Variants in RGPD2 observed in about 807,000 individuals in gnomAD.
RGPD2 encodes the protein RANBP2-like and GRIP domain-containing protein 2.
A neutral mutation model predicts 36.0 loss-of-function variants in RGPD2; 2 were observed. The ratio of observed to expected loss-of-function variants is 0.06; its 90% confidence interval spans 0.02 to 0.17. The LOEUF is 0.17. Among genes scored for constraint, RGPD2 ranks in the 10% least tolerant of loss-of-function variants. The probability of loss-of-function intolerance (pLI) is 1.00; values close to 1 mark genes in which losing one functional copy is unlikely to be tolerated. For missense variants in RGPD2, 40 were observed against 464.3 expected (o/e 0.09, Z 8.40); for synonymous variants, 19 against 163.8 (o/e 0.12, Z 6.75).
At chr2:87,986,980 T>C in the RGPD2 span, among the ~76,000 whole-genome samples, 3 of 137,970 alleles carry the variant, frequency 2.2e-5, no homozygotes, top group Non-Finnish European at 4.7e-5. Flanking sequence ...ATTCAATATA[T>C]GCATCCACGA....
At chr2:87,857,470 G>A in the RGPD2 span, among the ~76,000 whole-genome samples, 2 of 151,492 alleles carry the variant, frequency 1.3e-5, no homozygotes, top group African/African-American at 2.4e-5. Flanking sequence ...AGCCTCTTGA[G>A]TAGCTGGGAC....
the RGPD2 span, among the ~76,000 whole-genome samples, chr2:87,857,059 C>A: frequency 6.6e-6 from 1 of 152,222 alleles, no homozygotes. Context: ...AGAGGATGGT[C>A]CATGAACTAA....
chr2:87,875,885 T>C, the RGPD2 span, among the ~76,000 whole-genome samples: 3 of 152,172 alleles, frequency 2.0e-5, no homozygotes, highest in Non-Finnish European at 4.4e-5. Context: ...AGTGGCTTTA[T>C]TTTAGAACAA....
the RGPD2 span, chr2:87,973,006 C>T: frequency 7.5e-6 from 12 of 1,610,568 alleles, no homozygotes; most frequent in African/African-American, 1.1e-4. Flanking sequence ...TTGACCTTCG[C>T]CTCCTCAGCA....
At chr2:87,836,899 C>G in the RGPD2 span, among the ~76,000 whole-genome samples, 14 of 152,076 alleles carry the variant, frequency 9.2e-5, no homozygotes, top group East Asian at 2.7e-3. Context: ...AACTTATCAT[C>G]AAACAGAAAG....
the RGPD2 span, among the ~76,000 whole-genome samples, chr2:87,864,582 A>C: frequency 0.2 from 24,119 of 121,144 alleles, no homozygotes; most frequent in African/African-American, 0.36. Flanking sequence ...TAGATGATAG[A>C]TAGATAGATA....
the RGPD2 span, among the ~76,000 whole-genome samples, chr2:87,933,832 A>T: frequency 7.2e-6 from 1 of 138,496 alleles, no homozygotes; most frequent in Non-Finnish European, 1.6e-5. Context: ...GTAATATTTT[A>T]TCATGATTTT....
the RGPD2 span, among the ~76,000 whole-genome samples, chr2:87,938,297 G>A: frequency 2.9e-3 from 438 of 151,968 alleles, 4 homozygotes; most frequent in African/African-American, 0.01. Flanking sequence ...GCACAGAGAT[G>A]TTAAGCTTGG....
chr2:87,866,876 T>G, the RGPD2 span, among the ~76,000 whole-genome samples: 2 of 152,176 alleles, frequency 1.3e-5, no homozygotes, highest in Admixed American at 6.5e-5. Flanking sequence ...GAGTCTTTCC[T>G]CCCCGGGCGA....
chr2:87,809,721 T>G (rs541130174), intron 6 of RGPD2, among the ~76,000 whole-genome samples: 151 of 151,386 alleles, frequency 1.0e-3, no homozygotes, highest in Non-Finnish European at 1.9e-3. Context: ...CTTTTTATCT[T>G]CCTCAGGGTC....
At chr2:87,924,518 T>A in the RGPD2 span, among the ~76,000 whole-genome samples, 1 of 152,248 alleles carries the variant, frequency 6.6e-6, no homozygotes, top group African/African-American at 2.4e-5. Flanking sequence ...TTTTCATCAC[T>A]TTTTTTCTAG....
chr2:87,967,281 G>C, the RGPD2 span, among the ~76,000 whole-genome samples: 3 of 147,706 alleles, frequency 2.0e-5, no homozygotes, highest in Admixed American at 6.6e-5. Context: ...GGTGGCATGC[G>C]CCTGTAGTCC....
chr2:87,858,770 CTAATTA>C, the RGPD2 span, among the ~76,000 whole-genome samples: 1 of 151,790 alleles, frequency 6.6e-6, no homozygotes, highest in East Asian at 1.9e-4. Context: ...AGGTAATATT[CTAATTA>C]TTTCATTTTA....
At chr2:87,845,396 CTATTTA>C in the RGPD2 span, among the ~76,000 whole-genome samples, 4 of 152,038 alleles carry the variant, frequency 2.6e-5, no homozygotes, top group Non-Finnish European at 4.4e-5. Context: ...TTTTCTCATT[CTATTTA>C]TGTTATAGAT....
chr2:87,842,228 G>A, the RGPD2 span, among the ~76,000 whole-genome samples: 1 of 151,298 alleles, frequency 6.6e-6, no homozygotes, highest in South Asian at 2.1e-4. Context: ...GGCAGGAGAA[G>A]GAAATAAAGG....
chr2:87,853,462 G>T, the RGPD2 span, among the ~76,000 whole-genome samples: 1 of 151,416 alleles, frequency 6.6e-6, no homozygotes, highest in Admixed American at 6.6e-5. Context: ...AGCCTCAAGC[G>T]GTCCTCTCAC....
chr2:87,877,219 T>C, the RGPD2 span, among the ~76,000 whole-genome samples: 18 of 151,882 alleles, frequency 1.2e-4, no homozygotes, highest in African/African-American at 4.1e-4. Flanking sequence ...GTTAGCATTG[T>C]TATGTGTGAA....
rs1320242709 is a variant in RGPD2 at position 87,822,269 on chromosome 2, TC to T, written c.72+3388del. On this transcript the variant is annotated intron_variant, in intron 1 of 22. Coordinates refer to ENST00000398146, the MANE Select transcript of RGPD2 (RefSeq NM_001078170.3). ...AGAATAAGAGAAAAATTAGAGAAAC[TC>T]CAGCTTTCAGGTAAACATCATTAAA... 1.9e-4 allele frequency among the ~76,000 whole-genome samples: 29 copies of T among 151,894 alleles called. No individual in the cohort carries two copies. In the East Asian group the frequency reaches 2.3e-3, roughly 12 times the overall value.
the RGPD2 span, chr2:87,985,636 G>T: frequency 3.0e-5 from 35 of 1,169,918 alleles, 1 homozygote; most frequent in South Asian, 3.7e-4. Flanking sequence ...AATATGGTAC[G>T]CCTATTATGT....
Sources: allele counts gnomAD v4.1 joint callset (sites outside exome capture counted in the v4.1 genomes callset), GRCh38; gene constraint gnomAD v4.1.1; transcripts MANE v1.5; gene names NCBI Gene and HGNC (gene_info 2026-07-23, HGNC 2026-07-21).